The following TRPC5 variants were observed in gnomAD, a reference collection of about 807,000 sequenced individuals.
The protein encoded by TRPC5 is short transient receptor potential channel 5.
In TRPC5, 9 loss-of-function variants were observed where a neutral mutation model predicts 56.5. The observed-to-expected ratio is 0.16, with a 90% CI of 0.10 to 0.28. The LOEUF (loss-of-function observed/expected upper bound fraction) is 0.28. TRPC5 is among the 10% of genes least tolerant of loss of function. The pLI is 1.00. For missense variants in TRPC5, 469 were observed against 748.9 expected (o/e 0.63, Z 4.36); for synonymous variants, 282 against 278.5 (o/e 1.01, Z -0.13).
intron 1 of TRPC5, among the ~76,000 whole-genome samples, chrX:111,963,322 C>T (rs745539280): frequency 2.2e-4 from 25 of 112,408 alleles, no homozygotes; most frequent in Non-Finnish European, 4.1e-4. Flanking sequence ...ACAAAGCAGC[C>T]GGGAAGCTCG....
chrX:111,840,092 C>T lies in TRPC5; in HGVS notation c.1701-4976G>A, dbSNP rs368026046. ...GGTTGAGGCAGGAGAATGGTGTGAACCCGGGAGGTGGAGCTTGCAGTGAGC... is the reference window on the plus strand; with the variant it reads ...GGTTGAGGCAGGAGAATGGTGTGAATCCGGGAGGTGGAGCTTGCAGTGAGC... On this transcript the variant is annotated intron_variant, in intron 6 of 10. Coordinates refer to ENST00000262839, the MANE Select transcript of TRPC5 (RefSeq NM_012471.3). Among the ~76,000 whole-genome samples, 75 of 112,475 alleles carry T rather than the reference C, an allele frequency of 6.7e-4. 2 individuals are homozygous for T. In the East Asian group the frequency reaches 0.016, roughly 24 times the overall value.
At chrX:112,073,159 T>C (rs985870613) in intron 1 of TRPC5, among the ~76,000 whole-genome samples, 1 of 112,200 alleles carries the variant, frequency 8.9e-6, no homozygotes, top group Non-Finnish European at 1.9e-5. Flanking sequence ...GTGGCTCTTC[T>C]GCCCCCACTA....
chrX:111,946,972 C>T (rs1435213222), intron 2 of TRPC5, among the ~76,000 whole-genome samples: 1 of 112,157 alleles, frequency 8.9e-6, no homozygotes, highest in Admixed American at 9.4e-5. Flanking sequence ...CACATTAAAT[C>T]ACCCAGGCAC....
intron 2 of TRPC5, among the ~76,000 whole-genome samples, chrX:111,940,338 A>G (rs1926735990): frequency 8.9e-6 from 1 of 111,842 alleles, no homozygotes; most frequent in Admixed American, 9.5e-5. Flanking sequence ...CAAATTATAA[A>G]CAAAACCTAA....
intron 3 of TRPC5, among the ~76,000 whole-genome samples, chrX:111,911,119 GGCGTGGTAGTTTTATTTTT>G (rs1203349258): frequency 1.5e-4 from 17 of 111,672 alleles, no homozygotes; most frequent in African/African-American, 4.9e-4. Context: ...TCATTTCTAA[GGCGTGGTAGTTTTATTTTT>G]GCCTGAGAAA....
chrX:112,066,174 G>A (rs758411546), intron 1 of TRPC5, among the ~76,000 whole-genome samples: 29 of 108,696 alleles, frequency 2.7e-4, no homozygotes, highest in Middle Eastern at 4.3e-3. Context: ...TCTTCAGGCA[G>A]AACCAAACCC....
chrX:111,960,271 C>T (rs1052818961), intron 1 of TRPC5, among the ~76,000 whole-genome samples: 2 of 112,058 alleles, frequency 1.8e-5, no homozygotes, highest in African/African-American at 6.5e-5. Flanking sequence ...GTTAAAATGT[C>T]AGTACTTTCA....
At chrX:111,917,517 G>A (rs1926010477) in intron 2 of TRPC5, among the ~76,000 whole-genome samples, 1 of 112,557 alleles carries the variant, frequency 8.9e-6, no homozygotes, top group African/African-American at 3.2e-5. Context: ...AGTGCATACA[G>A]GAGCAGGTTT....
intron 7 of TRPC5, among the ~76,000 whole-genome samples, chrX:111,803,208 T>C (rs759156942): frequency 7.1e-5 from 8 of 112,454 alleles, no homozygotes; most frequent in Non-Finnish European, 1.5e-4. Context: ...TCCTTCTCCA[T>C]GGCTGCATAG....
intron 1 of TRPC5, among the ~76,000 whole-genome samples, chrX:112,020,915 A>G (rs1042163575): frequency 1.9e-5 from 2 of 107,778 alleles, no homozygotes; most frequent in South Asian, 8.5e-4. Flanking sequence ...TCATGACAGC[A>G]GTCAATTTTC....
At chrX:112,063,245 G>T (rs1315985976) in intron 1 of TRPC5, among the ~76,000 whole-genome samples, 1 of 112,065 alleles carries the variant, frequency 8.9e-6, no homozygotes, top group African/African-American at 3.3e-5. Flanking sequence ...ACTCTGGCCT[G>T]TAGGGGTCAA....
intron 1 of TRPC5, among the ~76,000 whole-genome samples, chrX:112,065,678 GT>G (rs1930567147): frequency 9.0e-6 from 1 of 111,440 alleles, no homozygotes; most frequent in Non-Finnish European, 1.9e-5. Context: ...ATTGTTTGAG[GT>G]CAGGAATTCA....
intron 1 of TRPC5, among the ~76,000 whole-genome samples, chrX:112,006,178 C>T (rs1329752471): frequency 2.7e-5 from 3 of 110,884 alleles, no homozygotes; most frequent in Non-Finnish European, 5.7e-5. Flanking sequence ...ATAATCATCT[C>T]CATCCAGAGG....
intron 2 of TRPC5, among the ~76,000 whole-genome samples, chrX:111,917,038 G>A (rs1050640961): frequency 8.8e-6 from 1 of 113,005 alleles, no homozygotes; most frequent in Non-Finnish European, 1.9e-5. Flanking sequence ...AATCAGGAGA[G>A]TGGCATAGTT....
chrX:111,923,781 C>G (rs1355874128), intron 2 of TRPC5, among the ~76,000 whole-genome samples: 1 of 111,349 alleles, frequency 9.0e-6, no homozygotes, highest in Non-Finnish European at 1.9e-5. Flanking sequence ...ATGAGTCAAT[C>G]AGCAGATGTG....
chrX:111,993,792 C>T (rs1170728657), intron 1 of TRPC5, among the ~76,000 whole-genome samples: 1 of 112,063 alleles, frequency 8.9e-6, no homozygotes, highest in Non-Finnish European at 1.9e-5. Flanking sequence ...TTTGTAGATT[C>T]TGGCTATTAG....
At chrX:112,051,888 C>A (rs1271934294) in intron 1 of TRPC5, among the ~76,000 whole-genome samples, 1 of 111,951 alleles carries the variant, frequency 8.9e-6, no homozygotes, top group Non-Finnish European at 1.9e-5. Context: ...TGGCTTTTTC[C>A]GAGCGGCTTA....
intron 6 of TRPC5, among the ~76,000 whole-genome samples, chrX:111,841,314 C>T (rs769378091): frequency 1.8e-5 from 2 of 112,149 alleles, no homozygotes; most frequent in African/African-American, 6.5e-5. Flanking sequence ...ACAAATCTTA[C>T]GTACCTTTAC....
At chrX:111,968,572 A>G (rs1472340472) in intron 1 of TRPC5, among the ~76,000 whole-genome samples, 3 of 109,990 alleles carry the variant, frequency 2.7e-5, no homozygotes, top group African/African-American at 9.9e-5. Context: ...CTTGGAACCA[A>G]CCCAAATGTC....
Sources: gnomAD v4.1 joint callset for allele counts (sites outside exome capture counted in the v4.1 genomes callset) on GRCh38, gnomAD v4.1.1 for gene constraint, MANE v1.5 for transcripts, NCBI Gene and HGNC (gene_info 2026-07-23, HGNC 2026-07-21) for gene names.